VPS8: variants seen among roughly 807,000 people sequenced by gnomAD.
VPS8 encodes vacuolar protein sorting-associated protein 8 homolog.
In VPS8, 129 loss-of-function variants were observed where a neutral mutation model predicts 216.4. That is an observed-to-expected ratio of 0.60 (90% CI 0.52 to 0.69). The LOEUF (loss-of-function observed/expected upper bound fraction) is 0.69. VPS8 is among the 30% of genes least tolerant of loss of function. The pLI is 0.00. For synonymous variants in VPS8, 571 were observed against 565.4 expected (o/e 1.01, Z -0.14); for missense variants, 1,531 against 1,683.5 (o/e 0.91, Z 1.59).
Position 184,855,101 on chromosome 3 carries a change from C to T in VPS8, c.1036-610C>T, listed in dbSNP as rs894918085. ...ACATTTGTTAGATTAGCTTCATTGG[C>T]GAATTGAGATTTTTTTCATGGTGTT... On this transcript the variant is annotated intron_variant, in intron 13 of 47. Transcript: ENST00000625842. 5.3e-5 allele frequency among the ~76,000 whole-genome samples: 8 copies of T among 151,860 alleles called. No homozygotes were observed. In the East Asian group the frequency reaches 1.5e-3, roughly 29 times the overall value.
At chr3:184,950,701 C>CT (rs1283777862) in intron 36 of VPS8, among the ~76,000 whole-genome samples, 4 of 152,018 alleles carry the variant, frequency 2.6e-5, no homozygotes, top group Admixed American at 1.3e-4. Flanking sequence ...GACCCATCCT[C>CT]TAAGTTCCCT....
intron 42 of VPS8, among the ~76,000 whole-genome samples, chr3:184,992,688 T>A (rs1752060272): frequency 6.6e-6 from 1 of 152,130 alleles, no homozygotes; most frequent in Non-Finnish European, 1.5e-5. Context: ...CTATTTGGCA[T>A]GGAAAAGAGT....
chr3:185,020,566 G>A (rs1383301769), intron 45 of VPS8, among the ~76,000 whole-genome samples: 2 of 151,796 alleles, frequency 1.3e-5, no homozygotes, highest in Admixed American at 1.3e-4. Context: ...GACCTCCCGG[G>A]CTCAAGCAGT....
At chr3:185,025,839 C>T (rs1005607545) in intron 46 of VPS8, among the ~76,000 whole-genome samples, 7 of 152,144 alleles carry the variant, frequency 4.6e-5, no homozygotes, top group African/African-American at 1.7e-4. Flanking sequence ...GACTTGGGTT[C>T]GAAGATTTAC....
At chr3:185,018,253 G>A (rs897193499) in intron 45 of VPS8, among the ~76,000 whole-genome samples, 10 of 152,152 alleles carry the variant, frequency 6.6e-5, no homozygotes, top group African/African-American at 1.4e-4. Context: ...CTGAGCAGCC[G>A]GATCTGCAAT....
chr3:184,968,965 G>A (rs1747876675), intron 39 of VPS8, among the ~76,000 whole-genome samples: 1 of 152,036 alleles, frequency 6.6e-6, no homozygotes, highest in Admixed American at 6.6e-5. Flanking sequence ...AATCTTTTTG[G>A]AACATCAGTG....
chr3:184,915,327 T>C, intron 27 of VPS8, 28 bp from the exon 28 acceptor site: 1 of 1,605,066 alleles, frequency 6.2e-7, no homozygotes, highest in Non-Finnish European at 8.5e-7. Flanking sequence ...GGTGAGAAAA[T>C]AATCAACATT....
chr3:184,905,266 A>C (rs761509853), intron 25 of VPS8, among the ~76,000 whole-genome samples: 4 of 152,072 alleles, frequency 2.6e-5, no homozygotes, highest in Non-Finnish European at 5.9e-5. Flanking sequence ...GCACTAGTTT[A>C]GTTTCTTTGT....
At chr3:184,858,867 T>A (rs576449905) in intron 14 of VPS8, among the ~76,000 whole-genome samples, 157 of 152,282 alleles carry the variant, frequency 1.0e-3, no homozygotes, top group Non-Finnish European at 9.3e-4. Flanking sequence ...TTGCTTTGCT[T>A]GTGCTTTTTC....
chr3:184,924,799 A>ATTT (rs11391596), intron 29 of VPS8, 63 bp from the exon 30 acceptor site: 449 of 1,262,246 alleles, frequency 3.6e-4, no homozygotes, highest in South Asian at 6.8e-4. Context: ...TTCTAATTGT[A>ATTT]TTTTTTTTTT....
At chr3:185,048,581 A>G (rs760876701) in intron 47 of VPS8, 22 bp downstream of exon 47, 3 of 1,612,274 alleles carry the variant, frequency 1.9e-6, no homozygotes, top group Non-Finnish European at 2.5e-6. Context: ...GTGGTTGTTT[A>G]TATTTTTATT....
intron 46 of VPS8, among the ~76,000 whole-genome samples, chr3:185,031,762 G>A (rs1392284151): frequency 3.3e-5 from 5 of 152,156 alleles, no homozygotes; most frequent in South Asian, 4.1e-4. Flanking sequence ...GTGTTTGGTC[G>A]GTGACAGAAT....
At chr3:184,900,054 G>T (rs1005251490) in intron 24 of VPS8, among the ~76,000 whole-genome samples, 2 of 152,134 alleles carry the variant, frequency 1.3e-5, no homozygotes, top group East Asian at 1.9e-4. Context: ...GAATGAAAGC[G>T]TGTCATCACA....
intron 22 of VPS8, chr3:184,893,189 CTGG>C: frequency 9.0e-7 from 1 of 1,105,196 alleles, no homozygotes; most frequent in South Asian, 1.8e-5. Flanking sequence ...GTGTGGAGTT[CTGG>C]TGCAGTTGTA....
intron 45 of VPS8, among the ~76,000 whole-genome samples, chr3:185,013,275 G>A (rs1262956642): frequency 1.3e-5 from 2 of 152,302 alleles, no homozygotes; most frequent in East Asian, 3.9e-4. Flanking sequence ...GATTTGGGGG[G>A]CCTCTTCCCA....
intron 21 of VPS8, among the ~76,000 whole-genome samples, chr3:184,873,915 C>T (rs145580009): frequency 6.6e-6 from 1 of 152,092 alleles, no homozygotes; most frequent in African/African-American, 2.4e-5. Context: ...TACAGGGAGA[C>T]ACAATTTATT....
chr3:184,969,966 G>A (rs1321313575), intron 39 of VPS8, among the ~76,000 whole-genome samples: 4 of 136,300 alleles, frequency 2.9e-5, no homozygotes, highest in African/African-American at 1.1e-4. Context: ...CTGGAGTGCA[G>A]TGGCGCTGTC....
intron 3 of VPS8, among the ~76,000 whole-genome samples, chr3:184,827,154 C>T (rs1277372162): frequency 1.3e-5 from 2 of 152,220 alleles, no homozygotes; most frequent in Non-Finnish European, 1.5e-5. Context: ...ACCAAAGCTC[C>T]GAGTGAGTTG....
chr3:184,854,884 A>G (rs776155739), intron 13 of VPS8, among the ~76,000 whole-genome samples: 45 of 152,142 alleles, frequency 3.0e-4, no homozygotes, highest in Non-Finnish European at 4.0e-4. Context: ...TAATCTTCCA[A>G]TGTATATATG....
Sources: gnomAD v4.1 joint callset for allele counts (sites outside exome capture counted in the v4.1 genomes callset) on GRCh38, gnomAD v4.1.1 for gene constraint, MANE v1.5 for transcripts, NCBI Gene and HGNC (gene_info 2026-07-23, HGNC 2026-07-21) for gene names.